Variants in GRTP1 observed in about 807,000 individuals in gnomAD.
GRTP1 encodes growth hormone-regulated TBC protein 1.
In GRTP1, 56 loss-of-function variants were observed where a neutral mutation model predicts 38.1. The observed-to-expected ratio is 1.47, with a 90% CI of 1.19 to 1.84. The LOEUF is 1.84. GRTP1 is among the 40% of genes most tolerant of loss of function. The probability of loss-of-function intolerance (pLI) is 0.00; values close to 1 mark genes in which losing one functional copy is unlikely to be tolerated. For synonymous variants in GRTP1, 217 were observed against 189.5 expected (o/e 1.14, Z -1.19); for missense variants, 506 against 453.9 (o/e 1.11, Z -1.04).
chr13:113,355,996 T>C (rs746837657), intron 2 of GRTP1, among the ~76,000 whole-genome samples: 2 of 152,048 alleles, frequency 1.3e-5, no homozygotes, highest in Non-Finnish European at 2.9e-5. Context: ...TAATTGACAA[T>C]AAAAATGTGA....
intron 3 of GRTP1, among the ~76,000 whole-genome samples, chr13:113,352,310 TA>T (rs1223951661): frequency 0.41 from 39,008 of 94,408 alleles, 7,253 homozygotes; most frequent in East Asian, 0.66. Flanking sequence ...ATTTTATATA[TA>T]TTTTATATAT....
chr13:113,346,659 C>T lies in GRTP1; in HGVS notation c.466-1700G>A, dbSNP rs1374454058. On this transcript the variant is annotated intron_variant, in intron 4 of 7. Transcript: ENST00000375431. The stretch of plus-strand genomic sequence containing the variant: ...GTGGCTGAGAGCGGACCTGGGAGGA[C>T]CTCTGTGGCTGAGCGGATCTGGGAG... 3.6e-3 allele frequency among the ~76,000 whole-genome samples: 2 copies of T among 552 alleles called. 1 individual carries two copies. Among genetic ancestry groups the T allele is most frequent in the African/African-American group, 4.7e-3 (2 of 428 alleles). 0.4% of individuals were successfully genotyped at this position (552 alleles called of 152,430 possible). A position where few individuals can be genotyped will look rare whatever the true frequency, so the allele number is the denominator to read the frequency against.
intron 3 of GRTP1, among the ~76,000 whole-genome samples, chr13:113,351,272 T>G (rs571596997): frequency 1.3e-5 from 2 of 152,130 alleles, no homozygotes; most frequent in East Asian, 3.9e-4. Flanking sequence ...AATGCCCGTC[T>G]CCTCCCGGCC....
Position 113,343,192 on chromosome 13 carries a change from T to A in GRTP1, c.562+1671A>T, listed in dbSNP as rs7337031. ...GAAGCAGGCTGTGAGCCCGTTTCCA[T>A]GTCCTACCAATCCCACATTTGGATG... On this transcript the variant is annotated intron_variant, in intron 5 of 7. Transcript: ENST00000375431. The surrounding 1 kb of genome is among the most constrained non-coding windows in gnomAD (Gnocchi z 4.8). Among the ~76,000 whole-genome samples the A allele has an allele frequency of 6.6e-6, 1 of 152,026 alleles. No homozygotes were observed. Among genetic ancestry groups the A allele is most frequent in the Admixed American group, 6.6e-5 (1 of 15,258 alleles).
At chr13:113,359,375 G>A (rs1465247217) in intron 2 of GRTP1, among the ~76,000 whole-genome samples, 1 of 152,138 alleles carries the variant, frequency 6.6e-6, no homozygotes, top group African/African-American at 2.4e-5. Flanking sequence ...GATAGGCCAG[G>A]TGCAGTGGCT....
At chr13:113,346,228 A>AGACCCAGGAGGATCTCTGTGGCCGAGAG (rs2043124652) in intron 4 of GRTP1, among the ~76,000 whole-genome samples, 1 of 11,064 alleles carries the variant, frequency 9.0e-5, no homozygotes, top group Non-Finnish European at 1.8e-4. Flanking sequence ...GTGGCTGAGA[A>AGACCCAGGAGGATCTCTGTGGCCGAGAG]CAGACCCGGG....
At chr13:113,334,673 A>C (rs1370575357) in intron 5 of GRTP1, among the ~76,000 whole-genome samples, 1 of 152,200 alleles carries the variant, frequency 6.6e-6, no homozygotes, top group Non-Finnish European at 1.5e-5. Context: ...TGGGCAGAGC[A>C]GGGAGGGCCC....
At chr13:113,354,815 C>T (rs7318954) in intron 3 of GRTP1, among the ~76,000 whole-genome samples, 38,469 of 152,154 alleles carry the variant, frequency 0.25, 5,131 homozygotes, top group African/African-American at 0.3. Flanking sequence ...GCGTGAGCCA[C>T]CGCGCCCGGC....
intron 5 of GRTP1, among the ~76,000 whole-genome samples, chr13:113,341,915 A>G (rs1327510903): frequency 6.6e-6 from 1 of 151,866 alleles, no homozygotes; most frequent in Non-Finnish European, 1.5e-5. Flanking sequence ...GTGGCCTCCC[A>G]GATGCTGGGA....
chr13:113,345,354 A>G (rs2043085743), intron 4 of GRTP1, among the ~76,000 whole-genome samples: 1 of 152,234 alleles, frequency 6.6e-6, no homozygotes, highest in African/African-American at 2.4e-5. Context: ...ATAAAACCGT[A>G]AGGAACATGT....
rs369799733 is a variant in GRTP1, at chr13:113,325,904, G to A, written c.735+15C>T. ...TGGCGGCCCGCCCGCCCCAGGGCCC[G>A]AGTGAGGCGCTCACCTCCACGGGCA... is the stretch of plus-strand genomic sequence containing the variant. On this transcript the variant is annotated intron_variant, in intron 6 of 7. Transcript: ENST00000375431. The A allele has an allele frequency of 1.2e-5, 20 of 1,613,766 alleles. No individual in the cohort carries two copies. The highest frequency in any genetic ancestry group is 4.5e-5 in the East Asian group (2 of 44,850).
At chr13:113,334,278 C>T (rs949086104) in intron 5 of GRTP1, among the ~76,000 whole-genome samples, 1 of 152,026 alleles carries the variant, frequency 6.6e-6, no homozygotes, top group African/African-American at 2.4e-5. Flanking sequence ...TGCACTGCCA[C>T]GACAGCCTCC....
At chr13:113,333,592 C>G (rs1404174671) in intron 5 of GRTP1, among the ~76,000 whole-genome samples, 2 of 152,102 alleles carry the variant, frequency 1.3e-5, no homozygotes, top group Non-Finnish European at 2.9e-5. Flanking sequence ...GCAACCTCCA[C>G]CTCCCAGGCT....
intron 3 of GRTP1, chr13:113,355,037 G>A (rs1337108512): frequency 3.1e-6 from 1 of 319,524 alleles, no homozygotes; most frequent in East Asian, 5.8e-5. Context: ...CGGCAACAGA[G>A]GCCGCCTCTC....
intron 2 of GRTP1, among the ~76,000 whole-genome samples, chr13:113,361,210 TAAAAAA>T (rs60140159): frequency 0.54 from 68,009 of 125,562 alleles, 17,347 homozygotes; most frequent in Middle Eastern, 0.62. Context: ...AGACCAATGC[TAAAAAA>T]AAAAAAAAAA....
chr13:113,325,812 T>TCGTTAAA lies in GRTP1; in HGVS notation c.763_769dup (p.Glu257ValfsTer2), dbSNP rs770354805. Reference sequence around the variant, plus strand: ...CACCCGGAAGATAATCTTCGAGCCTTCGTTAAACAAACAGTCCCAGATCCG... The same window carrying TCGTTAAA: ...CACCCGGAAGATAATCTTCGAGCCTTCGTTAAACGTTAAACAAACAGTCCCAGATCCG... On this transcript the variant is annotated stop_gained and frameshift_variant, in exon 7 of 8. Coordinates refer to ENST00000375431, the MANE Select transcript of GRTP1 (RefSeq NM_024719.4). LOFTEE classifies it high-confidence loss of function. 7 of 1,613,890 alleles carry TCGTTAAA rather than the reference T, an allele frequency of 4.3e-6. No homozygotes were observed. The East Asian group carries it at 1.6e-4, about 36-fold the overall frequency.
chr13:113,364,132 G>A, upstream of GRTP1: 7 of 1,081,168 alleles, frequency 6.5e-6, no homozygotes, highest in Non-Finnish European at 7.9e-6. Flanking sequence ...AGTCCTTCCG[G>A]CGGGACCGCG....
At chr13:113,344,087 G>A (rs2043063698) in intron 5 of GRTP1, among the ~76,000 whole-genome samples, 1 of 152,220 alleles carries the variant, frequency 6.6e-6, no homozygotes, top group African/African-American at 2.4e-5. Flanking sequence ...TAAAAAGTAA[G>A]TAATTACTTA....
At chr13:113,324,881 C>T in intron 7 of GRTP1, 2 of 902,678 alleles carry the variant, frequency 2.2e-6, no homozygotes, top group East Asian at 8.9e-5. Flanking sequence ...GGCTGGAGTG[C>T]AGTGGCGCGA....
Sources: gnomAD v4.1 joint callset for allele counts (sites outside exome capture counted in the v4.1 genomes callset) on GRCh38, gnomAD v4.1.1 for gene constraint, Gnocchi (gnomAD v3.1) non-coding constraint, MANE v1.5 for transcripts, NCBI Gene and HGNC (gene_info 2026-07-23, HGNC 2026-07-21) for gene names.